HDAC4: variants seen among roughly 807,000 people sequenced by gnomAD.
The protein encoded by HDAC4 is histone deacetylase 4.
In HDAC4, 16 loss-of-function variants were observed where a neutral mutation model predicts 135.1. That is an observed-to-expected ratio of 0.12 (90% CI 0.08 to 0.18). The LOEUF (loss-of-function observed/expected upper bound fraction) is 0.18. Ranked by LOEUF, HDAC4 falls within the 10% of genes least tolerant of loss-of-function variation. The pLI is 1.00. For synonymous variants in HDAC4, 685 were observed against 653.4 expected (o/e 1.05, Z -0.74); for missense variants, 1,143 against 1,511.8 (o/e 0.76, Z 4.05).
Position 239,102,892 on chromosome 2 carries a change from A to T in HDAC4, c.2117T>A (p.Ile706Asn), listed in dbSNP as rs1442724802. The T allele has an allele frequency of 6.2e-7, 1 of 1,613,876 alleles. No individual in the cohort carries two copies. Among genetic ancestry groups the T allele is most frequent in the Admixed American group, 1.7e-5 (1 of 60,028 alleles). ...CTCCAGGGTGGCCTTGCGTCCGCGG[A>T]TGCACTGTGGGGACAGGCGAGAGGA... ...ETGLRGKCEC[I>N]RGRKATLEEL... Residue 706 changes from isoleucine (I) to asparagine (N), a missense_variant, in exon 16 of 27, where the codon ATC (isoleucine) becomes AAC (asparagine). Transcript: ENST00000543185.
At chr2:239,235,519 G>C (rs2047835734) in intron 3 of HDAC4, among the ~76,000 whole-genome samples, 2 of 152,356 alleles carry the variant, frequency 1.3e-5, no homozygotes, top group African/African-American at 4.8e-5. Flanking sequence ...GCAAGGCCCA[G>C]CCACACTGCC....
chr2:239,102,637 G>A, intron 16 of HDAC4, 139 bp downstream of exon 16: 1 of 912,730 alleles, frequency 1.1e-6, no homozygotes, highest in Non-Finnish European at 1.7e-6. Context: ...GAGGGTGAAA[G>A]GTTCCCTTTC....
At position 239,303,905 on chromosome 2, in the gene HDAC4, T is replaced by C. The variant is rs2052422492; in HGVS notation, c.22+48773A>G. On this transcript the variant is annotated intron_variant, in intron 2 of 26. Coordinates refer to ENST00000543185, the MANE Select transcript of HDAC4 (RefSeq NM_001378414.1). The surrounding 1 kb of genome is among the most constrained non-coding windows in gnomAD (Gnocchi z 5.1). ...CCTGCCCCGTGGCCCTGGGAATGCTTGGCACCAAGGTCCCACTTCCCACCT... is the reference window on the plus strand; with the variant it reads ...CCTGCCCCGTGGCCCTGGGAATGCTCGGCACCAAGGTCCCACTTCCCACCT... Among the ~76,000 whole-genome samples, 1 of 152,188 alleles carries C rather than the reference T, an allele frequency of 6.6e-6. No individual in the cohort carries two copies. The highest frequency in any genetic ancestry group is 6.5e-5 in the Admixed American group (1 of 15,280).
intron 2 of HDAC4, among the ~76,000 whole-genome samples, chr2:239,311,370 C>A (rs1450742554): frequency 6.6e-6 from 1 of 152,220 alleles, no homozygotes; most frequent in East Asian, 1.9e-4. Flanking sequence ...GACTGGGTAG[C>A]ATTTGTCAAG....
rs996527830 is a variant in HDAC4, at chr2:239,270,776, C to T, written c.23-34112G>A. On this transcript the variant is annotated intron_variant, in intron 2 of 26. Coordinates refer to ENST00000543185, the MANE Select transcript of HDAC4 (RefSeq NM_001378414.1). ...TGTTGACGGATACGACAGATGTGAG[C>T]GTTACTGTGAGCAGCACGTGCAGAC... Among the ~76,000 whole-genome samples the T allele has an allele frequency of 6.6e-5, 10 of 152,174 alleles. No homozygotes were observed. The South Asian group carries it at 1.2e-3, about 19-fold the overall frequency.
intron 3 of HDAC4, among the ~76,000 whole-genome samples, chr2:239,197,643 T>G (rs1472222258): frequency 6.6e-6 from 1 of 152,216 alleles, no homozygotes; most frequent in African/African-American, 2.4e-5. Flanking sequence ...TCTTCATGTG[T>G]GATTTCCTTA....
Position 239,280,317 on chromosome 2 carries a change from C to T in HDAC4, c.23-43653G>A, listed in dbSNP as rs544301893. Reference sequence around the variant, plus strand: ...TTAAAGAAGGAAAGAAGGCCACAAGCCCTGAAAGCACATTTTGCCCCAAAC... The same window carrying T: ...TTAAAGAAGGAAAGAAGGCCACAAGTCCTGAAAGCACATTTTGCCCCAAAC... On this transcript the variant is annotated intron_variant, in intron 2 of 26. Coordinates refer to ENST00000543185, the MANE Select transcript of HDAC4 (RefSeq NM_001378414.1). Among the ~76,000 whole-genome samples, 14 of 152,300 alleles carry T rather than the reference C, an allele frequency of 9.2e-5. No individual in the cohort carries two copies. In the East Asian group the frequency reaches 2.5e-3, roughly 27 times the overall value.
At chr2:239,305,777 C>T (rs2052547098) in intron 2 of HDAC4, among the ~76,000 whole-genome samples, 1 of 152,182 alleles carries the variant, frequency 6.6e-6, no homozygotes, top group Admixed American at 6.5e-5. Context: ...AGTTGAAATA[C>T]ATTTATTTAA....
chr2:239,187,387 A>C (rs1488006937), intron 4 of HDAC4, among the ~76,000 whole-genome samples: 1 of 152,248 alleles, frequency 6.6e-6, no homozygotes, highest in Non-Finnish European at 1.5e-5. Flanking sequence ...ATGTGAGCCT[A>C]TGGCGCAAAA....
intron 4 of HDAC4, among the ~76,000 whole-genome samples, chr2:239,189,558 T>C (rs755307210): frequency 2.6e-5 from 4 of 152,248 alleles, no homozygotes; most frequent in Non-Finnish European, 5.9e-5. Context: ...ATGTTTCGGA[T>C]GAAATTAGGC....
chr2:239,193,755 C>G (rs2045172630), intron 3 of HDAC4, among the ~76,000 whole-genome samples: 1 of 152,248 alleles, frequency 6.6e-6, no homozygotes, highest in African/African-American at 2.4e-5. Flanking sequence ...GCGGGGCAGG[C>G]TCTGCACACC....
chr2:239,330,193 C>T (rs1041930871), intron 2 of HDAC4, among the ~76,000 whole-genome samples: 1 of 152,254 alleles, frequency 6.6e-6, no homozygotes, highest in Non-Finnish European at 1.5e-5. Context: ...CATGGGAGAG[C>T]CACAGGAGAG....
intron 2 of HDAC4, among the ~76,000 whole-genome samples, chr2:239,328,338 T>C (rs112585615): frequency 4.7e-4 from 72 of 152,308 alleles, no homozygotes; most frequent in African/African-American, 1.6e-3. Flanking sequence ...GTCCGGGACC[T>C]CCTGACGATC....
At chr2:239,364,341 C>G (rs1035671887) in intron 1 of HDAC4, among the ~76,000 whole-genome samples, 3 of 152,220 alleles carry the variant, frequency 2.0e-5, no homozygotes, top group Admixed American at 2.0e-4. Flanking sequence ...GAACACCATA[C>G]AGCAGTAAAA....
At chr2:239,074,426 C>T (rs1004954598) in intron 22 of HDAC4, among the ~76,000 whole-genome samples, 1 of 152,224 alleles carries the variant, frequency 6.6e-6, no homozygotes, top group South Asian at 2.1e-4. Context: ...CTGTGAAAAT[C>T]GCCGTTAAAT....
At chr2:239,095,314 T>C (rs1343861463) in intron 16 of HDAC4, among the ~76,000 whole-genome samples, 2 of 152,158 alleles carry the variant, frequency 1.3e-5, no homozygotes, top group Non-Finnish European at 2.9e-5. Flanking sequence ...GGCATCAGCC[T>C]GTCAGGGGCC....
intron 9 of HDAC4, among the ~76,000 whole-genome samples, chr2:239,138,872 G>A (rs2041153566): frequency 6.6e-6 from 1 of 152,216 alleles, no homozygotes; most frequent in Non-Finnish European, 1.5e-5. Flanking sequence ...CCTCGGACCT[G>A]CTGCCCTGGA....
chr2:239,247,567 C>G (rs1288284538), intron 2 of HDAC4, among the ~76,000 whole-genome samples: 2 of 152,246 alleles, frequency 1.3e-5, no homozygotes, highest in African/African-American at 4.8e-5. Flanking sequence ...AGCTGCTCAC[C>G]AAACGTGACT....
At chr2:239,197,973 C>T (rs1215222311) in intron 3 of HDAC4, among the ~76,000 whole-genome samples, 1 of 151,916 alleles carries the variant, frequency 6.6e-6, no homozygotes, top group East Asian at 1.9e-4. Context: ...CATGCCTTGC[C>T]TCCCGAGTAG....
Sources: allele counts gnomAD v4.1 joint callset (sites outside exome capture counted in the v4.1 genomes callset), GRCh38; gene constraint gnomAD v4.1.1; non-coding constraint Gnocchi (gnomAD v3.1); transcripts MANE v1.5; gene names NCBI Gene and HGNC (gene_info 2026-07-23, HGNC 2026-07-21).